Variants in FARS2 observed in about 807,000 individuals in gnomAD.
FARS2 encodes the protein phenylalanyl-tRNA synthetase 2, mitochondrial.
In FARS2, 40 loss-of-function variants were observed where a neutral mutation model predicts 46.4. That is an observed-to-expected ratio of 0.86 (90% CI 0.67 to 1.12). FARS2 has a LOEUF of 1.12. FARS2 is among the 50% of genes most tolerant of loss of function. FARS2 has a pLI of 0.00. For synonymous variants in FARS2, 234 were observed against 214.9 expected (o/e 1.09, Z -0.78); for missense variants, 513 against 567.9 (o/e 0.90, Z 0.98).
intron 6 of FARS2, among the ~76,000 whole-genome samples, chr6:5,666,439 A>G (rs1434008887): frequency 6.6e-6 from 1 of 152,100 alleles, no homozygotes; most frequent in African/African-American, 2.4e-5. Flanking sequence ...AGCCAGCCTG[A>G]CTATAGAAGA....
At chr6:5,513,288 G>C (rs1321727251) in intron 4 of FARS2, among the ~76,000 whole-genome samples, 1 of 152,180 alleles carries the variant, frequency 6.6e-6, no homozygotes, top group South Asian at 2.1e-4. Context: ...CTGGGGAAAG[G>C]AGCTGAGCCG....
intron 4 of FARS2, among the ~76,000 whole-genome samples, chr6:5,463,671 A>T (rs1394162475): frequency 6.6e-6 from 1 of 151,210 alleles, no homozygotes; most frequent in Admixed American, 6.6e-5. Context: ...GCATAAATAT[A>T]TCAACAGCAT....
intron 5 of FARS2, among the ~76,000 whole-genome samples, chr6:5,557,637 A>C (rs1304213771): frequency 3.3e-5 from 5 of 152,260 alleles, no homozygotes; most frequent in East Asian, 3.9e-4. Context: ...TTGTTACTGT[A>C]GATATTTTTA....
rs148461246 is a variant in FARS2, at chr6:5,333,597, C to T, written c.-21-34953C>T. ...ATGTCTGAGGAACCTCCTACCTTGC[C>T]GGACACTGAGGATTTATTCACCTTG... On this transcript the variant is annotated intron_variant, in intron 1 of 6. Coordinates refer to ENST00000274680, the MANE Select transcript of FARS2 (RefSeq NM_006567.5). Among the ~76,000 whole-genome samples, 629 of 152,212 alleles carry T rather than the reference C, an allele frequency of 4.1e-3. 3 individuals carry two copies. The highest frequency in any genetic ancestry group is 0.014 in the Middle Eastern group (4 of 292).
intron 1 of FARS2, among the ~76,000 whole-genome samples, chr6:5,354,511 G>C (rs949003397): frequency 1.3e-5 from 2 of 148,820 alleles, no homozygotes; most frequent in African/African-American, 5.0e-5. Flanking sequence ...TATGCTAGTG[G>C]TTTCCTTTTT....
chr6:5,475,847 C>T (rs150671929), intron 4 of FARS2, among the ~76,000 whole-genome samples: 32 of 152,244 alleles, frequency 2.1e-4, no homozygotes, highest in African/African-American at 7.7e-4. Flanking sequence ...GTCCCAGTCT[C>T]AAGTGGCTTG....
the FARS2 span, among the ~76,000 whole-genome samples, chr6:5,254,851 C>T: frequency 5.9e-5 from 9 of 152,178 alleles, no homozygotes; most frequent in Non-Finnish European, 1.2e-4. Context: ...CCTGCTCTAT[C>T]GGTTATCTAC....
chr6:5,278,128 A>G (rs1274279896), intron 1 of FARS2, among the ~76,000 whole-genome samples: 1 of 152,238 alleles, frequency 6.6e-6, no homozygotes, highest in East Asian at 1.9e-4. Flanking sequence ...AGGACTGAAC[A>G]GAGCCCTGAA....
intron 1 of FARS2, among the ~76,000 whole-genome samples, chr6:5,364,541 G>A (rs1406110947): frequency 3.9e-5 from 6 of 152,122 alleles, no homozygotes; most frequent in African/African-American, 1.4e-4. Context: ...TATTAATAGT[G>A]TAGAAAAATT....
chr6:5,696,106 CAT>C (rs1316565245), intron 6 of FARS2, among the ~76,000 whole-genome samples: 6 of 152,230 alleles, frequency 3.9e-5, no homozygotes, highest in Non-Finnish European at 8.8e-5. Context: ...CCTCCATCTA[CAT>C]TGTCTGTGGA....
At chr6:5,657,821 T>C (rs1167490867) in intron 6 of FARS2, among the ~76,000 whole-genome samples, 2 of 152,194 alleles carry the variant, frequency 1.3e-5, no homozygotes, top group Non-Finnish European at 2.9e-5. Flanking sequence ...TTCTGAGTCA[T>C]TGTTAAGAGT....
intron 6 of FARS2, among the ~76,000 whole-genome samples, chr6:5,742,517 CT>C (rs1761409118): frequency 6.6e-6 from 1 of 152,128 alleles, no homozygotes; most frequent in African/African-American, 2.4e-5. Flanking sequence ...GAGAATTTCA[CT>C]GGTAGAAAGC....
chr6:5,322,854 G>A (rs1434415501), intron 1 of FARS2, among the ~76,000 whole-genome samples: 1 of 152,174 alleles, frequency 6.6e-6, no homozygotes, highest in Non-Finnish European at 1.5e-5. Flanking sequence ...AATGCTTCCC[G>A]TGATTATTAG....
intron 6 of FARS2, among the ~76,000 whole-genome samples, chr6:5,749,895 G>C (rs1761848938): frequency 6.6e-6 from 1 of 152,204 alleles, no homozygotes; most frequent in Admixed American, 6.5e-5. Context: ...CCACGAAGGT[G>C]CTCCAGCTGG....
chr6:5,334,266 A>G (rs1277875398), intron 1 of FARS2, among the ~76,000 whole-genome samples: 4 of 152,182 alleles, frequency 2.6e-5, no homozygotes, highest in South Asian at 2.1e-4. Flanking sequence ...GCACTCGTAC[A>G]TTGTTGATGG....
At chr6:5,545,369 T>C (rs757493676) in intron 5 of FARS2, 29 bp downstream of exon 5, 2 of 1,567,550 alleles carry the variant, frequency 1.3e-6, no homozygotes, top group South Asian at 2.3e-5. Flanking sequence ...ACTGAATAGA[T>C]AATAATAAAA....
chr6:5,359,469 G>A (rs1437613680), intron 1 of FARS2, among the ~76,000 whole-genome samples: 4 of 152,138 alleles, frequency 2.6e-5, no homozygotes, highest in Non-Finnish European at 5.9e-5. Context: ...TGCACAAAAG[G>A]TAGCTATTAC....
At chr6:5,641,465 G>A (rs530790572) in intron 6 of FARS2, among the ~76,000 whole-genome samples, 2 of 152,140 alleles carry the variant, frequency 1.3e-5, no homozygotes, top group East Asian at 3.9e-4. Context: ...CCCAGCTAAT[G>A]TTTGTATTTT....
chr6:5,293,616 T>C (rs1378034532), intron 1 of FARS2, among the ~76,000 whole-genome samples: 1 of 152,248 alleles, frequency 6.6e-6, no homozygotes, highest in Admixed American at 6.5e-5. Flanking sequence ...TATTTAATAA[T>C]ATCATAGATA....
Sources: allele counts gnomAD v4.1 joint callset (sites outside exome capture counted in the v4.1 genomes callset), GRCh38; gene constraint gnomAD v4.1.1; transcripts MANE v1.5; gene names NCBI Gene and HGNC (gene_info 2026-07-23, HGNC 2026-07-21).